The following CASK variants were observed in gnomAD, a reference collection of about 807,000 sequenced individuals.
CASK encodes peripheral plasma membrane protein CASK.
In CASK, 4 loss-of-function variants were observed where a neutral mutation model predicts 82.9. That is an observed-to-expected ratio of 0.05 (90% CI 0.02 to 0.11). CASK has a LOEUF of 0.11. CASK is among the 10% of genes least tolerant of loss of function. The pLI, the probability that CASK is intolerant of heterozygous loss-of-function variation, is 1.00. For missense variants in CASK, 358 were observed against 720.9 expected, an observed-to-expected ratio of 0.50 and a Z score of 5.76; for synonymous variants, 259 against 253.5, an observed-to-expected ratio of 1.02 and a Z score of -0.20.
In CASK at chrX:41,847,475, T is replaced by C. The variant is rs2071179434; in HGVS notation, c.172+5640A>G. 3.6e-5 allele frequency among the ~76,000 whole-genome samples: 4 copies of C among 112,126 alleles called. No individual in the cohort carries two copies. In the South Asian group the frequency reaches 1.5e-3, roughly 41 times the overall value. ...CTTTTTGTTTTTTATAGTTTCTATC[T>C]CATTATTGATACTTTCCATTTGGTA... On this transcript the variant is annotated intron_variant, in intron 2 of 26. Transcript: ENST00000378163.
chrX:41,853,027 C>T, intron 2 of CASK, 88 bp downstream of exon 2: 1 of 600,155 alleles, frequency 1.7e-6, no homozygotes, highest in Non-Finnish European at 2.9e-6. Context: ...TGCTTCCCCA[C>T]CCCCAGATGA....
At chrX:41,686,337 C>T (rs945102867) in intron 5 of CASK, among the ~76,000 whole-genome samples, 29 of 110,691 alleles carry the variant, frequency 2.6e-4, no homozygotes, top group African/African-American at 7.9e-4. Context: ...GTGATCTGCC[C>T]GCCTCGGTCT....
intron 1 of CASK, among the ~76,000 whole-genome samples, chrX:41,876,154 A>G (rs1207277869): frequency 1.8e-5 from 2 of 111,315 alleles, no homozygotes; most frequent in Non-Finnish European, 3.8e-5. Context: ...TAGTATTAGT[A>G]TGTATTGGTA....
chrX:41,915,360 T>C (rs541805708), intron 1 of CASK, among the ~76,000 whole-genome samples: 15 of 112,660 alleles, frequency 1.3e-4, no homozygotes, highest in Non-Finnish European at 1.5e-4. Flanking sequence ...GACAGACAGA[T>C]ACATTGATGG....
At chrX:41,568,048 T>C (rs1329934563) in intron 16 of CASK, among the ~76,000 whole-genome samples, 1 of 93,081 alleles carries the variant, frequency 1.1e-5, no homozygotes, top group Non-Finnish European at 2.1e-5. Context: ...ATGAGATCAC[T>C]TGGACACAGG....
intron 8 of CASK, among the ~76,000 whole-genome samples, chrX:41,642,336 G>A (rs1602396375): frequency 8.9e-6 from 1 of 112,041 alleles, no homozygotes; most frequent in East Asian, 2.8e-4. Context: ...CTTCCACAAT[G>A]GTTGAACTAG....
At chrX:41,910,901 C>T (rs937276230) in intron 1 of CASK, among the ~76,000 whole-genome samples, 6 of 111,474 alleles carry the variant, frequency 5.4e-5, no homozygotes, top group African/African-American at 1.6e-4. Flanking sequence ...AAAGCTTTGC[C>T]TATAATATGT....
At chrX:41,675,621 G>A in intron 5 of CASK, 2 of 556,940 alleles carry the variant, frequency 3.6e-6, no homozygotes, top group East Asian at 3.4e-5. Context: ...AAACCACATG[G>A]GAAACATAGA....
intron 11 of CASK, among the ~76,000 whole-genome samples, chrX:41,612,555 C>T (rs1241532956): frequency 4.3e-4 from 45 of 105,154 alleles, no homozygotes; most frequent in African/African-American, 1.5e-3. Context: ...CCCGGCCAGC[C>T]GCCCCGTCCG....
chrX:41,877,557 T>C (rs959191166), intron 1 of CASK, among the ~76,000 whole-genome samples: 1 of 111,325 alleles, frequency 9.0e-6, no homozygotes, highest in African/African-American at 3.3e-5. Flanking sequence ...GGTGAGGGTA[T>C]GGCAATAAAC....
chrX:41,701,607 C>T (rs776383277), intron 5 of CASK, among the ~76,000 whole-genome samples: 2 of 112,385 alleles, frequency 1.8e-5, no homozygotes, highest in East Asian at 5.6e-4. Context: ...CATGGCCCAG[C>T]TGAGTGGCTG....
Position 41,900,739 on chromosome X carries a change from CTTTT to C in CASK, c.59+22187_59+22190del, listed in dbSNP as rs759671263. The stretch of plus-strand genomic sequence containing the variant: ...GATGATTATTTGATTATTTTGAAAT[CTTTT>C]TTTTTTTTTTTTTTTTTTTTGAGAT... On this transcript the variant is annotated intron_variant, in intron 1 of 26. Transcript: ENST00000378163. Among the ~76,000 whole-genome samples the C allele has an allele frequency of 5.7e-3, 283 of 50,087 alleles. 2 individuals carry two copies. The highest frequency in any genetic ancestry group is 0.024 in the African/African-American group (265 of 10,861). The allele number at this position is 50,087 out of a possible 115,157, so 43.5% of individuals were successfully genotyped here.
chrX:41,906,667 A>G (rs1292916683), intron 1 of CASK, among the ~76,000 whole-genome samples: 2 of 112,146 alleles, frequency 1.8e-5, no homozygotes, highest in Non-Finnish European at 3.8e-5. Flanking sequence ...GAGTCACCAC[A>G]GCATTTCTCC....
intron 2 of CASK, among the ~76,000 whole-genome samples, chrX:41,844,203 G>A (rs2071104092): frequency 9.0e-6 from 1 of 111,416 alleles, no homozygotes; most frequent in African/African-American, 3.3e-5. Flanking sequence ...TCTTTGTCTG[G>A]TTTTGGTATC....
intron 1 of CASK, among the ~76,000 whole-genome samples, chrX:41,894,749 T>C (rs905474288): frequency 3.6e-5 from 4 of 110,970 alleles, no homozygotes; most frequent in African/African-American, 1.3e-4. Context: ...TAAATATTAA[T>C]AGATAAAAGT....
At chrX:41,900,596 G>T (rs1277713989) in intron 1 of CASK, among the ~76,000 whole-genome samples, 43 of 55,394 alleles carry the variant, frequency 7.8e-4, no homozygotes, top group African/African-American at 2.3e-3. Flanking sequence ...TTTCTGTTTG[G>T]TTCTTTTTTT....
chrX:41,652,379 T>C (rs1473180722), intron 8 of CASK, among the ~76,000 whole-genome samples: 1 of 112,082 alleles, frequency 8.9e-6, no homozygotes, highest in Non-Finnish European at 1.9e-5. Flanking sequence ...GGCCGGAGTG[T>C]AGATGGACGT....
chrX:41,570,016 T>C (rs964055210), intron 15 of CASK, among the ~76,000 whole-genome samples: 24 of 92,749 alleles, frequency 2.6e-4, no homozygotes, highest in Admixed American at 3.6e-4. Flanking sequence ...TTTTCTTTTT[T>C]TTTTTTTTTT....
At chrX:41,539,409 A>T (rs112615350) in intron 22 of CASK, among the ~76,000 whole-genome samples, 2,429 of 112,448 alleles carry the variant, frequency 0.022, 64 homozygotes, top group African/African-American at 0.074. Flanking sequence ...GATTTGAAGC[A>T]GGAAACAAAA....
Sources: allele counts gnomAD v4.1 joint callset (sites outside exome capture counted in the v4.1 genomes callset), GRCh38; gene constraint gnomAD v4.1.1; transcripts MANE v1.5; gene names NCBI Gene and HGNC (gene_info 2026-07-23, HGNC 2026-07-21).